The following ATXN1 variants were observed in gnomAD, a reference collection of about 807,000 sequenced individuals.
The protein encoded by ATXN1 is ataxin-1.
A neutral mutation model predicts 56.4 loss-of-function variants in ATXN1; 8 were observed. The observed-to-expected ratio is 0.14, with a 90% CI of 0.08 to 0.26. The LOEUF (loss-of-function observed/expected upper bound fraction) is 0.26. ATXN1 is among the 10% of genes least tolerant of loss of function. ATXN1 has a pLI of 1.00. For synonymous variants in ATXN1, 514 were observed against 494.6 expected (o/e 1.04, Z -0.52); for missense variants, 987 against 1,106.5 (o/e 0.89, Z 1.53).
chr6:16,328,045 G>A lies in ATXN1; in HGVS notation c.266C>T (p.Pro89Leu), dbSNP rs1191399862. The change falls in exon 7 of 8, where the codon CCG (proline) becomes CTG (leucine). Residue 89 changes from proline to leucine, a missense_variant. Pro to Leu is a moderately conservative substitution (Grantham distance 98). Transcript: ENST00000436367. This position sits in a 1 kb window ranked among gnomAD's most constrained non-coding sequence, Gnocchi z 6.2. ...KALSTGLDYS[P>L]PSAPRSVPVA... ...GGGGACAGACCTGGGAGCGCTGGGCGGGGAGTAGTCCAGCCCTGTGGACAA... is the reference window on the plus strand; with the variant it reads ...GGGGACAGACCTGGGAGCGCTGGGCAGGGAGTAGTCCAGCCCTGTGGACAA... 6.2e-6 allele frequency: 10 copies of A among 1,613,572 alleles called. No individual in the cohort carries two copies. Among genetic ancestry groups the A allele is most frequent in the Admixed American group, 3.3e-5 (2 of 59,968 alleles).
intron 7 of ATXN1, among the ~76,000 whole-genome samples, chr6:16,319,387 AAC>A (rs747062451): frequency 4.6e-5 from 7 of 152,240 alleles, no homozygotes; most frequent in Non-Finnish European, 1.0e-4. Context: ...GGCATTCTGG[AAC>A]AGGCAAAACT....
chr6:16,656,965 A>AAT (rs1199298360), intron 3 of ATXN1, among the ~76,000 whole-genome samples: 1 of 151,734 alleles, frequency 6.6e-6, no homozygotes, highest in Non-Finnish European at 1.5e-5. Context: ...GTACAACCAA[A>AAT]ATACAGTATT....
chr6:16,541,891 A>G (rs1206724473), intron 4 of ATXN1, among the ~76,000 whole-genome samples: 3 of 152,194 alleles, frequency 2.0e-5, no homozygotes, highest in African/African-American at 4.8e-5. Context: ...CTTGCCCCTG[A>G]GCACCCAAAA....
intron 2 of ATXN1, among the ~76,000 whole-genome samples, chr6:16,740,310 T>C (rs1760293234): frequency 1.3e-5 from 2 of 152,216 alleles, no homozygotes; most frequent in Non-Finnish European, 2.9e-5. Flanking sequence ...TCATGGTTTT[T>C]GCAGATACAA....
chr6:16,754,601 A>G (rs1394171360), intron 1 of ATXN1: 7 of 152,226 alleles, frequency 4.6e-5, no homozygotes, highest in Admixed American at 4.6e-4. Flanking sequence ...TCTTTCCAGC[A>G]CTTTTCAAAG....
At chr6:16,545,682 T>C (rs1211930982) in intron 4 of ATXN1, among the ~76,000 whole-genome samples, 4 of 152,170 alleles carry the variant, frequency 2.6e-5, no homozygotes, top group Non-Finnish European at 5.9e-5. Flanking sequence ...AGTTTCAAAA[T>C]AGGACCTAAA....
intron 4 of ATXN1, among the ~76,000 whole-genome samples, chr6:16,563,646 G>C (rs1210207081): frequency 6.6e-6 from 1 of 152,038 alleles, no homozygotes; most frequent in Non-Finnish European, 1.5e-5. Context: ...TCCAAGTTGG[G>C]GGGTGTGAGG....
At chr6:16,644,311 T>C (rs1484103482) in intron 3 of ATXN1, among the ~76,000 whole-genome samples, 1 of 152,068 alleles carries the variant, frequency 6.6e-6, no homozygotes, top group Non-Finnish European at 1.5e-5. Flanking sequence ...GGTCAAGAGA[T>C]CGAGACCATC....
At chr6:16,533,925 A>G (rs1304617682) in intron 4 of ATXN1, among the ~76,000 whole-genome samples, 1 of 152,140 alleles carries the variant, frequency 6.6e-6, no homozygotes, top group Non-Finnish European at 1.5e-5. Flanking sequence ...GCAAAAGTCA[A>G]ACTGATACAG....
rs1762443324 is a variant in ATXN1, at chr6:16,577,392, C to T, written c.-361+8388G>A. The stretch of plus-strand genomic sequence containing the variant: ...TACAAAAATTAGCCAGGTGCAGTGG[C>T]GCACACCTGTAGTCCCAGCTACTTG... On this transcript the variant is annotated intron_variant, in intron 4 of 7. Transcript: ENST00000436367. 5.3e-5 allele frequency among the ~76,000 whole-genome samples: 8 copies of T among 151,820 alleles called. No individual in the cohort carries two copies. The South Asian group carries it at 1.7e-3, about 31-fold the overall frequency.
At chr6:16,369,715 T>C (rs1021166383) in intron 6 of ATXN1, among the ~76,000 whole-genome samples, 2 of 152,174 alleles carry the variant, frequency 1.3e-5, no homozygotes, top group Non-Finnish European at 2.9e-5. Context: ...CTAGCTTACC[T>C]TAAAGATAAA....
chr6:16,359,475 C>T (rs977191954), intron 6 of ATXN1, among the ~76,000 whole-genome samples: 4 of 152,050 alleles, frequency 2.6e-5, no homozygotes, highest in African/African-American at 9.7e-5. Context: ...CTGCTGATAG[C>T]TGGAGACGAT....
chr6:16,524,733 A>C (rs1761358207), intron 4 of ATXN1, among the ~76,000 whole-genome samples: 1 of 152,248 alleles, frequency 6.6e-6, no homozygotes, highest in Non-Finnish European at 1.5e-5. Context: ...GGAAAGACAC[A>C]GGAGAGACTT....
At chr6:16,404,720 A>T (rs536317313) in intron 6 of ATXN1, among the ~76,000 whole-genome samples, 1 of 150,290 alleles carries the variant, frequency 6.7e-6, no homozygotes, top group African/African-American at 2.5e-5. Flanking sequence ...ACGCACACAC[A>T]CTCCACGTTG....
At chr6:16,469,256 T>C (rs1230271178) in intron 6 of ATXN1, among the ~76,000 whole-genome samples, 2 of 152,212 alleles carry the variant, frequency 1.3e-5, no homozygotes, top group African/African-American at 4.8e-5. Context: ...AAGCTTCTAT[T>C]CTATCAGGAG....
At chr6:16,397,084 G>A (rs1758473191) in intron 6 of ATXN1, among the ~76,000 whole-genome samples, 1 of 152,168 alleles carries the variant, frequency 6.6e-6, no homozygotes, top group South Asian at 2.1e-4. Context: ...AGTGATGCAC[G>A]ACTGTCCTAT....
intron 3 of ATXN1, among the ~76,000 whole-genome samples, chr6:16,620,803 A>G (rs990883712): frequency 3.3e-5 from 5 of 152,214 alleles, no homozygotes; most frequent in African/African-American, 7.2e-5. Context: ...GTCAGGCTGC[A>G]TAAGTTCTAG....
chr6:16,605,670 T>C (rs1581878508), intron 3 of ATXN1, among the ~76,000 whole-genome samples: 2 of 152,258 alleles, frequency 1.3e-5, no homozygotes, highest in Non-Finnish European at 2.9e-5. Flanking sequence ...CTACCATCTC[T>C]CTCAGTAAGA....
intron 6 of ATXN1, among the ~76,000 whole-genome samples, chr6:16,411,125 C>CAAAAAA (rs746717153): frequency 3.2e-4 from 26 of 80,316 alleles, no homozygotes; most frequent in South Asian, 5.3e-4. Context: ...ACCTCTGTGT[C>CAAAAAA]AAAAAAAAAA....
Sources: allele counts gnomAD v4.1 joint callset (sites outside exome capture counted in the v4.1 genomes callset), GRCh38; gene constraint gnomAD v4.1.1; non-coding constraint Gnocchi (gnomAD v3.1); transcripts MANE v1.5; gene names NCBI Gene and HGNC (gene_info 2026-07-23, HGNC 2026-07-21).